The following PIK3CA variants were observed in gnomAD, a reference collection of about 807,000 sequenced individuals.
PIK3CA encodes phosphatidylinositol 4,5-bisphosphate 3-kinase catalytic subunit alpha isoform.
A neutral mutation model predicts 138.2 loss-of-function variants in PIK3CA; 27 were observed. The observed-to-expected ratio is 0.20, with a 90% confidence interval of 0.14 to 0.27. The LOEUF is 0.27. Among genes scored for constraint, PIK3CA ranks in the 10% least tolerant of loss-of-function variants. The pLI is 1.00. For missense variants in PIK3CA, 544 were observed against 1,277.4 expected (o/e 0.43, Z 8.75); for synonymous variants, 358 against 413.2 (o/e 0.87, Z 1.62).
At chr3:179,209,407 A>G (rs1030110983) in intron 6 of PIK3CA, among the ~76,000 whole-genome samples, 188 bp from the exon 7 acceptor site, 1 of 152,098 alleles carries the variant, frequency 6.6e-6, no homozygotes, top group Non-Finnish European at 1.5e-5. Context: ...TTTCTGTATG[A>G]CTAATAATGA....
At position 179,225,083 on chromosome 3, in the gene PIK3CA, C is replaced by A. The variant is rs1419380127; in HGVS notation, c.2416+262C>A. 3.3e-5 allele frequency among the ~76,000 whole-genome samples: 5 copies of A among 151,814 alleles called. No homozygotes were observed. The East Asian group carries it at 9.6e-4, about 29-fold the overall frequency. ...TTCCTGTTCCCTGCCTCCAACCCCC[C>A]TCCCGTGGACCTGTGTAGAGAAGTA... On this transcript the variant is annotated intron_variant, in intron 16 of 20. Transcript: ENST00000263967.
intron 1 of PIK3CA, among the ~76,000 whole-genome samples, chr3:179,178,918 C>T (rs1414531040): frequency 6.6e-6 from 1 of 152,184 alleles, no homozygotes; most frequent in Non-Finnish European, 1.5e-5. Context: ...GGGCTTTTAC[C>T]GGGGTCTGAT....
intron 1 of PIK3CA, among the ~76,000 whole-genome samples, chr3:179,174,401 C>T (rs1723644098): frequency 1.3e-5 from 2 of 152,108 alleles, no homozygotes; most frequent in African/African-American, 2.4e-5. Context: ...ACCTGGGAGG[C>T]GGAGGTTGCA....
intron 1 of PIK3CA, among the ~76,000 whole-genome samples, chr3:179,166,864 A>G (rs1723434459): frequency 6.6e-6 from 1 of 152,176 alleles, no homozygotes. Context: ...CATAGGATAC[A>G]TGTAGCCACG....
At position 179,224,182 on chromosome 3, in the gene PIK3CA, C is replaced by A. The variant is rs2108417002; in HGVS notation, c.2289C>A (p.Asn763Lys). The change falls in exon 15 of 21, where the codon AAC becomes AAA. Residue 763 changes from asparagine (N) to lysine (K), a missense_variant. Physicochemically the swap from Asn to Lys is moderately conservative, Grantham distance 94 (BLOSUM62 0). This residue lies in a region of PIK3CA where 35 missense variants were observed against 49.4 expected (regional missense o/e 0.71). Coordinates refer to ENST00000263967, the MANE Select transcript of PIK3CA (RefSeq NM_006218.4). ...TAAACCCTGCTCATCAACTAGGAAACCTCAGGTACTTTCTTGGGGGTTTCA... is the reference window on the plus strand; with the variant it reads ...TAAACCCTGCTCATCAACTAGGAAAACTCAGGTACTTTCTTGGGGGTTTCA... The part of the protein sequence containing the change: ...SPLNPAHQLG[N>K]LRLEECRIMS... 6.6e-7 allele frequency: 1 copy of A among 1,514,192 alleles called. No individual in the cohort carries two copies. The highest frequency in any genetic ancestry group is 9.1e-7 in the Non-Finnish European group (1 of 1,101,478). The allele number at this position is 1,514,192 out of a possible 1,614,324, so 93.8% of individuals were successfully genotyped here.
intron 1 of PIK3CA, among the ~76,000 whole-genome samples, chr3:179,170,897 A>C (rs369006158): frequency 2.6e-5 from 4 of 152,308 alleles, no homozygotes; most frequent in South Asian, 4.1e-4. Flanking sequence ...AGGATAAGTA[A>C]ACAGAAAACA....
chr3:179,197,634 A>G (rs1156327145), intron 1 of PIK3CA, among the ~76,000 whole-genome samples: 1 of 152,222 alleles, frequency 6.6e-6, no homozygotes, highest in African/African-American at 2.4e-5. Flanking sequence ...AAATAGTGTC[A>G]TTTATAGCTC....
At chr3:179,167,904 A>G (rs993647489) in intron 1 of PIK3CA, among the ~76,000 whole-genome samples, 13 of 152,182 alleles carry the variant, frequency 8.5e-5, no homozygotes, top group Non-Finnish European at 1.5e-4. Context: ...TGAAAACCAT[A>G]AAAACGGTAT....
At chr3:179,148,300 G>GGGCGGGGGCGTGT (rs1221545993), upstream of PIK3CA, 2 of 152,006 alleles carry the variant, frequency 1.3e-5, no homozygotes, top group African/African-American at 4.8e-5. Context: ...AAGGAGTCGG[G>GGGCGGGGGCGTGT]GGCGGGGGCG....
rs2108389299 is a variant in PIK3CA at position 179,201,297 on chromosome 3, A to T, written c.570A>T (p.Ile190=). 3 of 1,612,410 alleles carry T rather than the reference A, an allele frequency of 1.9e-6. No homozygotes were observed. Among genetic ancestry groups the T allele is most frequent in the Non-Finnish European group, 2.5e-6 (3 of 1,178,868 alleles). The change falls in exon 4 of 21, where the codon ATA becomes ATT. Residue 190 remains isoleucine, a synonymous_variant. Coordinates refer to ENST00000263967, the MANE Select transcript of PIK3CA (RefSeq NM_006218.4). ...HIYNKLDKGQ[I]IVVIWVIVSP... is the part of the protein sequence containing the mutation. Reference sequence around the variant, plus strand: ...AATGTTTTCCTGTTATAGGGCAAATAATAGTGGTGATCTGGGTAATAGTTT... The same window carrying T: ...AATGTTTTCCTGTTATAGGGCAAATTATAGTGGTGATCTGGGTAATAGTTT...
At chr3:179,157,062 A>G (rs1723155838) in intron 1 of PIK3CA, among the ~76,000 whole-genome samples, 1 of 152,182 alleles carries the variant, frequency 6.6e-6, no homozygotes, top group Non-Finnish European at 1.5e-5. Flanking sequence ...TTGCGGAAAA[A>G]ATATTGAAAT....
chr3:179,195,298 A>G (rs1007629330), intron 1 of PIK3CA, among the ~76,000 whole-genome samples: 5 of 151,718 alleles, frequency 3.3e-5, no homozygotes, highest in African/African-American at 9.7e-5. Context: ...TTCCTTCCCC[A>G]TCTGGTGCCA....
At chr3:179,162,392 G>A (rs1437699951) in intron 1 of PIK3CA, among the ~76,000 whole-genome samples, 1 of 151,970 alleles carries the variant, frequency 6.6e-6, no homozygotes, top group African/African-American at 2.4e-5. Context: ...CATATTTTTG[G>A]TAGAGACAGG....
chr3:179,230,203 C>A lies in PIK3CA; in HGVS notation c.2785-22C>A, dbSNP rs989639928. 6.3e-6 allele frequency: 10 copies of A among 1,582,714 alleles called. No individual in the cohort carries two copies. The highest frequency in any genetic ancestry group is 3.5e-5 in the Admixed American group (2 of 57,538). ...TGTATCTGCATATATCAAACTATAACATAATTTCTTATTTTTGAAAGCTGT... is the reference window on the plus strand; with the variant it reads ...TGTATCTGCATATATCAAACTATAAAATAATTTCTTATTTTTGAAAGCTGT... On this transcript the variant is annotated intron_variant, in intron 19 of 20. Transcript: ENST00000263967. The surrounding 1 kb of genome is among the most constrained non-coding windows in gnomAD (Gnocchi z 5.4).
chr3:179,225,985 C>G lies in PIK3CA; in HGVS notation c.2440C>G (p.Leu814Val), dbSNP rs1360085333. The G allele has an allele frequency of 6.3e-7, 1 of 1,594,232 alleles. No homozygotes were observed. The highest frequency in any genetic ancestry group is 1.3e-5 in the African/African-American group (1 of 74,584). ...GDDLRQDMLT[L>V]QIIRIMENIW... Reference sequence around the variant, plus strand: ...AGATTTACGGCAAGATATGCTAACACTTCAAATTATTCGTATTATGGAAAA... The same window carrying G: ...AGATTTACGGCAAGATATGCTAACAGTTCAAATTATTCGTATTATGGAAAA... Residue 814 changes from leucine (L) to valine (V), a missense_variant, in exon 17 of 21, where the codon CTT (leucine) becomes GTT (valine). Physicochemically the swap from Leu to Val is conservative, Grantham distance 32. Transcript: ENST00000263967.
intron 1 of PIK3CA, among the ~76,000 whole-genome samples, chr3:179,154,181 T>G (rs971310311): frequency 3.3e-5 from 5 of 152,168 alleles, no homozygotes; most frequent in Non-Finnish European, 7.4e-5. Flanking sequence ...CTAATACGTA[T>G]TAGAGAGCTC....
At chr3:179,168,837 G>T (rs1723481446) in intron 1 of PIK3CA, among the ~76,000 whole-genome samples, 1 of 151,778 alleles carries the variant, frequency 6.6e-6, no homozygotes, top group South Asian at 2.1e-4. Context: ...GTTTCCAGGT[G>T]GTCTCTTCCC....
intron 1 of PIK3CA, among the ~76,000 whole-genome samples, chr3:179,157,872 G>A (rs1226095153): frequency 6.6e-6 from 1 of 151,970 alleles, no homozygotes; most frequent in Non-Finnish European, 1.5e-5. Flanking sequence ...AATATTCTCC[G>A]GGTAATACGT....
chr3:179,217,829 GTTTC>G (rs1724871532), intron 9 of PIK3CA, among the ~76,000 whole-genome samples: 1 of 151,970 alleles, frequency 6.6e-6, no homozygotes, highest in African/African-American at 2.4e-5. Context: ...TCATTTTAGT[GTTTC>G]TTATTCTCTA....
Sources: allele counts gnomAD v4.1 joint callset (sites outside exome capture counted in the v4.1 genomes callset), GRCh38; gene constraint gnomAD v4.1.1; regional missense constraint gnomAD v4.1.1; non-coding constraint Gnocchi (gnomAD v3.1); transcripts MANE v1.5; gene names NCBI Gene and HGNC (gene_info 2026-07-23, HGNC 2026-07-21).